The following DCAF6 variants were observed in gnomAD, a reference collection of about 807,000 sequenced individuals.
DCAF6 encodes DDB1 and CUL4 associated factor 6.
Under a neutral mutation model 125.1 loss-of-function variants are expected in DCAF6, and 54 were observed. That is an observed-to-expected ratio of 0.43 (90% CI 0.35 to 0.54). DCAF6 has a LOEUF of 0.54. Among genes scored for constraint, DCAF6 ranks in the 20% least tolerant of loss-of-function variants. The probability of loss-of-function intolerance (pLI) is 0.01; values close to 1 mark genes in which losing one functional copy is unlikely to be tolerated. For synonymous variants in DCAF6, 371 were observed against 390.4 expected, an observed-to-expected ratio of 0.95 and a Z score of 0.58; for missense variants, 934 against 1,161.7, an observed-to-expected ratio of 0.80 and a Z score of 2.85.
intron 2 of DCAF6, among the ~76,000 whole-genome samples, chr1:167,952,999 C>A (rs1325325821): frequency 6.6e-6 from 1 of 152,176 alleles, no homozygotes; most frequent in African/African-American, 2.4e-5. Context: ...TGCTGAAGAT[C>A]CGCCTTGCTG....
the DCAF6 span, among the ~76,000 whole-genome samples, chr1:167,875,731 A>G: frequency 6.6e-6 from 1 of 152,178 alleles, no homozygotes; most frequent in African/African-American, 2.4e-5. Context: ...TGGGCAGATC[A>G]CGAGGTCAGG....
At chr1:167,926,829 G>A in the DCAF6 span, among the ~76,000 whole-genome samples, 1 of 152,036 alleles carries the variant, frequency 6.6e-6, no homozygotes, top group Admixed American at 6.5e-5. Context: ...TCAATATCCT[G>A]CTTAGTCTTT....
chr1:167,924,723 A>G, the DCAF6 span, among the ~76,000 whole-genome samples: 1 of 152,198 alleles, frequency 6.6e-6, no homozygotes, highest in Non-Finnish European at 1.5e-5. Flanking sequence ...ATCACAGTAC[A>G]GTTGACCCTT....
the DCAF6 span, among the ~76,000 whole-genome samples, chr1:167,915,109 C>T: frequency 6.6e-6 from 1 of 152,184 alleles, no homozygotes; most frequent in Admixed American, 6.5e-5. Context: ...AGAAAGGAAC[C>T]TTAGCTTTGA....
the DCAF6 span, among the ~76,000 whole-genome samples, chr1:167,925,476 C>CT: frequency 1.4e-5 from 1 of 69,802 alleles, no homozygotes; most frequent in African/African-American, 6.0e-5. Context: ...TATATATATA[C>CT]ATATACATAT....
chr1:167,877,298 T>G, the DCAF6 span, among the ~76,000 whole-genome samples: 1 of 150,788 alleles, frequency 6.6e-6, no homozygotes, highest in Admixed American at 6.7e-5. Context: ...ACCTGATGTT[T>G]AATAAGTACT....
chr1:168,028,899 C>A (rs1227944521), intron 12 of DCAF6, among the ~76,000 whole-genome samples: 2 of 152,084 alleles, frequency 1.3e-5, no homozygotes, highest in Admixed American at 6.5e-5. Flanking sequence ...GTATTCCCCA[C>A]ACTGGAATAC....
At chr1:167,866,510 A>G in the DCAF6 span, among the ~76,000 whole-genome samples, 1 of 146,230 alleles carries the variant, frequency 6.8e-6, no homozygotes, top group African/African-American at 2.6e-5. Context: ...TGACCTGACG[A>G]AAGTGCACAC....
intron 4 of DCAF6, among the ~76,000 whole-genome samples, chr1:167,984,923 C>G (rs1679729371): frequency 6.6e-6 from 1 of 152,102 alleles, no homozygotes; most frequent in Non-Finnish European, 1.5e-5. Context: ...ACTTACAGTT[C>G]TGTGTACCTG....
chr1:168,018,465 A>C (rs761023158), intron 11 of DCAF6, among the ~76,000 whole-genome samples: 3 of 152,204 alleles, frequency 2.0e-5, no homozygotes, highest in Non-Finnish European at 2.9e-5. Context: ...GGACTTAAAC[A>C]TGAAACAAGG....
At chr1:167,888,373 G>A in the DCAF6 span, among the ~76,000 whole-genome samples, 3 of 151,924 alleles carry the variant, frequency 2.0e-5, no homozygotes, top group African/African-American at 7.3e-5. Flanking sequence ...TGGGTAGTAT[G>A]AACATTCTTC....
At chr1:167,994,120 A>T (rs1241191135) in intron 7 of DCAF6, among the ~76,000 whole-genome samples, 1 of 152,032 alleles carries the variant, frequency 6.6e-6, no homozygotes, top group Non-Finnish European at 1.5e-5. Flanking sequence ...ATAATGTATT[A>T]GTAATAATAA....
the DCAF6 span, chr1:167,918,202 A>G: frequency 1.4e-6 from 1 of 695,088 alleles, no homozygotes; most frequent in Non-Finnish European, 2.4e-6. Context: ...ATCAAGAACT[A>G]GCTACCAGTT....
the DCAF6 span, among the ~76,000 whole-genome samples, chr1:167,912,821 T>C: frequency 1.3e-5 from 2 of 152,250 alleles, no homozygotes; most frequent in African/African-American, 2.4e-5. Context: ...ATAGGTTGCC[T>C]CATTTAATCA....
rs950802404 is a variant in DCAF6, at chr1:168,075,461, A to G, written c.*26A>G. 1.6e-5 allele frequency: 25 copies of G among 1,559,740 alleles called. No homozygotes were observed. The highest frequency in any genetic ancestry group is 2.0e-5 in the Non-Finnish European group (23 of 1,155,656). ...TAAACTCTTTTTGGCAAGCACTTAA[A>G]TGTTCTGAAATTTGTATAAGACATT... On this transcript the variant is annotated 3_prime_UTR_variant, in exon 22 of 22. Transcript: ENST00000367840.
chr1:167,874,307 G>T, the DCAF6 span, among the ~76,000 whole-genome samples: 1 of 151,964 alleles, frequency 6.6e-6, no homozygotes, highest in Admixed American at 6.6e-5. Flanking sequence ...CTCCAGCCTG[G>T]GCAACAGAGT....
chr1:168,047,521 G>A (rs1003027016), intron 16 of DCAF6, among the ~76,000 whole-genome samples: 4 of 151,888 alleles, frequency 2.6e-5, no homozygotes, highest in African/African-American at 9.7e-5. Flanking sequence ...GCCTATGTTG[G>A]TCCTACATGG....
chr1:168,033,101 T>G (rs1419336367), intron 12 of DCAF6, among the ~76,000 whole-genome samples: 3 of 152,162 alleles, frequency 2.0e-5, no homozygotes, highest in African/African-American at 7.2e-5. Context: ...AGTGGAAATG[T>G]ACAGATTAAA....
chr1:167,880,483 A>G, the DCAF6 span: 17 of 1,604,624 alleles, frequency 1.1e-5, no homozygotes, highest in East Asian at 4.5e-5. Context: ...ACCAGGGTCA[A>G]TACTCACTGG....
Sources: gnomAD v4.1 joint callset for allele counts (sites outside exome capture counted in the v4.1 genomes callset) on GRCh38, gnomAD v4.1.1 for gene constraint, MANE v1.5 for transcripts, NCBI Gene and HGNC (gene_info 2026-07-23, HGNC 2026-07-21) for gene names.